The following ZHX1 variants were observed in gnomAD, a reference collection of about 807,000 sequenced individuals.
The protein encoded by ZHX1 is zinc fingers and homeoboxes protein 1.
Under a neutral mutation model 61.8 loss-of-function variants are expected in ZHX1, and 20 were observed. That is an observed-to-expected ratio of 0.32 (90% confidence interval 0.23 to 0.47). The LOEUF is 0.47. Among genes scored for constraint, ZHX1 ranks in the 20% least tolerant of loss-of-function variants. The probability of loss-of-function intolerance (pLI) is 1.00; values close to 1 mark genes in which losing one functional copy is unlikely to be tolerated. For missense variants in ZHX1, 800 were observed against 1,034.8 expected (o/e 0.77, Z 3.11); for synonymous variants, 318 against 352.6 (o/e 0.90, Z 1.10).
At position 123,256,314 on chromosome 8, in the gene ZHX1, T is replaced by C. The variant is rs76999741; in HGVS notation, c.-225-143A>G. Reference sequence around the variant, plus strand: ...ATAAGATAAGAATCAGAAAAAAATGTCCTCTAAAGATCAAAATAAATCTCT... The same window carrying C: ...ATAAGATAAGAATCAGAAAAAAATGCCCTCTAAAGATCAAAATAAATCTCT... On this transcript the variant is annotated intron_variant, in intron 2 of 3. Transcript: ENST00000395571. The C allele has an allele frequency of 1.3e-3, 209 of 163,992 alleles. 6 individuals carry two copies. The East Asian group carries it at 0.033, about 26-fold the overall frequency. 10.2% of individuals were successfully genotyped at this position (163,992 alleles called of 1,614,324 possible).
At chr8:123,273,935 G>C (rs529623716) in intron 1 of ZHX1, 33 of 152,460 alleles carry the variant, frequency 2.2e-4, no homozygotes, top group African/African-American at 7.9e-4. Context: ...CACCCAAAAA[G>C]AGCGAGGGAG....
chr8:123,253,098 A>G (rs1309554568), intron 3 of ZHX1: 3 of 404,830 alleles, frequency 7.4e-6, no homozygotes, highest in Non-Finnish European at 1.3e-5. Flanking sequence ...CCCAATTCAT[A>G]TGAAAAATAA....
At chr8:123,263,152 G>A (rs1826338142) in intron 2 of ZHX1, among the ~76,000 whole-genome samples, 1 of 151,582 alleles carries the variant, frequency 6.6e-6, no homozygotes, top group South Asian at 2.1e-4. Flanking sequence ...TAGCATTCAG[G>A]TATAGTTTTT....
chr8:123,272,053 CAGCACA>C (rs1826672676), intron 1 of ZHX1, among the ~76,000 whole-genome samples: 1 of 152,212 alleles, frequency 6.6e-6, no homozygotes, highest in African/African-American at 2.4e-5. Flanking sequence ...AACCAAAGAA[CAGCACA>C]CGTGCATAAA....
In ZHX1 at chr8:123,255,576, T is replaced by C. The variant is rs1215524745; in HGVS notation, c.371A>G (p.Tyr124Cys). Residue 124 changes from tyrosine to cysteine, a missense_variant, in exon 3 of 4, where the codon TAT becomes TGT. Coordinates refer to ENST00000395571, the MANE Select transcript of ZHX1 (RefSeq NM_007222.5). ...YDALSEHNLK[Y>C]HPGEENFKLT... is the part of the protein sequence containing the mutation. The stretch of plus-strand genomic sequence containing the variant: ...CTTAAAATTCTCTTCTCCTGGGTGA[T>C]ATTTCAGATTATGCTCAGAAAGTGC... The C allele has an allele frequency of 2.5e-6, 4 of 1,613,150 alleles. No homozygotes were observed. Among genetic ancestry groups the C allele is most frequent in the Middle Eastern group, 1.7e-4 (1 of 6,060 alleles).
intron 2 of ZHX1, among the ~76,000 whole-genome samples, chr8:123,260,063 CA>C (rs1473658744): frequency 3.3e-5 from 5 of 151,930 alleles, no homozygotes; most frequent in African/African-American, 1.2e-4. Flanking sequence ...AAGGCTGAGG[CA>C]GAATAATCAC....
At chr8:123,253,179 C>T in intron 3 of ZHX1, 143 bp downstream of exon 3, 1 of 594,720 alleles carries the variant, frequency 1.7e-6, no homozygotes. Context: ...CTTAGCTATA[C>T]TAGTGGTACC....
chr8:123,258,456 G>A, intron 2 of ZHX1, among the ~76,000 whole-genome samples: 1 of 152,198 alleles, frequency 6.6e-6, no homozygotes. Flanking sequence ...AAGAGACTGA[G>A]ACACAGCTTT....
intron 2 of ZHX1, among the ~76,000 whole-genome samples, chr8:123,266,885 A>G (rs1456659086): frequency 1.3e-5 from 2 of 152,172 alleles, no homozygotes; most frequent in East Asian, 3.8e-4. Context: ...TACATCCTGA[A>G]GCATTTTTCT....
chr8:123,264,271 A>G (rs1826378769), intron 2 of ZHX1, among the ~76,000 whole-genome samples: 1 of 152,226 alleles, frequency 6.6e-6, no homozygotes, highest in Non-Finnish European at 1.5e-5. Flanking sequence ...TTTTATGAGA[A>G]AACTATACTT....
chr8:123,257,188 G>C (rs965783927), intron 2 of ZHX1: 1 of 152,260 alleles, frequency 6.6e-6, no homozygotes, highest in Admixed American at 6.5e-5. Flanking sequence ...AAAAGTGCTG[G>C]GATTACAGGC....
chr8:123,258,201 C>A (rs1214730904), intron 2 of ZHX1, among the ~76,000 whole-genome samples: 1 of 152,184 alleles, frequency 6.6e-6, no homozygotes, highest in Non-Finnish European at 1.5e-5. Flanking sequence ...CCAGTTCCTG[C>A]AGGAGCTGGT....
chr8:123,265,244 T>TA (rs1826419560), intron 2 of ZHX1, among the ~76,000 whole-genome samples: 2 of 151,878 alleles, frequency 1.3e-5, no homozygotes, highest in Non-Finnish European at 2.9e-5. Flanking sequence ...GGGATCATGT[T>TA]AATTTTGATG....
At chr8:123,274,911 C>CG (rs1451994760), upstream of ZHX1, among the ~76,000 whole-genome samples, 2 of 152,162 alleles carry the variant, frequency 1.3e-5, no homozygotes, top group Non-Finnish European at 2.9e-5. Flanking sequence ...CCCCGCCCCT[C>CG]GGGGGGCTGC....
Position 123,262,933 on chromosome 8 carries a change from T to TA in ZHX1, c.-226+4339dup, listed in dbSNP as rs546032434. 201 of 126,396 alleles carry TA rather than the reference T, an allele frequency of 1.6e-3. 5 individuals are homozygous for TA. Among genetic ancestry groups the TA allele is most frequent in the East Asian group, 0.012 (54 of 4,502 alleles). 7.8% of individuals were successfully genotyped at this position (126,396 alleles called of 1,614,324 possible). A position where few individuals can be genotyped will look rare whatever the true frequency, so the allele number is the denominator to read the frequency against. ...GGCAAGGATGACATGCAAATTTGTT[T>TA]AAAAAAAAAAAAAGAAAGAAAAGAA... On this transcript the variant is annotated intron_variant, in intron 2 of 3. Coordinates refer to ENST00000395571, the MANE Select transcript of ZHX1 (RefSeq NM_007222.5).
chr8:123,262,619 A>G (rs1405862734), intron 2 of ZHX1, among the ~76,000 whole-genome samples: 2 of 152,166 alleles, frequency 1.3e-5, no homozygotes, highest in African/African-American at 2.4e-5. Context: ...TGTTGGGATT[A>G]CAGGCATGAG....
In ZHX1 at chr8:123,253,696, G is replaced by A. The variant is rs775783361; in HGVS notation, c.2251C>T (p.Arg751Trp). Residue 751 changes from arginine to tryptophan, a missense_variant, in exon 3 of 4, where the codon CGG becomes TGG. By Grantham distance (101) the Arg-to-Trp change is moderately radical (BLOSUM62 -3). Coordinates refer to ENST00000395571, the MANE Select transcript of ZHX1 (RefSeq NM_007222.5). ...RKRGRGRPKG[R>W]GRGRPRGRPR... ...CGCCCACGCGGTCTTCCTCTTCCCC[G>A]TCCTTTGGGTCTCCCTCTCCCTCTT... 41 of 1,613,976 alleles carry A rather than the reference G, an allele frequency of 2.5e-5. No individual in the cohort carries two copies. The highest frequency in any genetic ancestry group is 3.2e-5 in the Non-Finnish European group (38 of 1,180,024).
rs558018250 is a variant in ZHX1, at chr8:123,272,205, T to C, written c.-340+2012A>G. The stretch of plus-strand genomic sequence containing the variant: ...CTCTATGAATCATCACTATCATCAG[T>C]TACCCAAGTATTACCCTTTCTCATT... On this transcript the variant is annotated intron_variant, in intron 1 of 3. Transcript: ENST00000395571. Among the ~76,000 whole-genome samples, 25 of 152,376 alleles carry C rather than the reference T, an allele frequency of 1.6e-4. 1 individual carries two copies. Among genetic ancestry groups the C allele is most frequent in the African/African-American group, 6.0e-4 (25 of 41,592 alleles).
rs2131190495 is a variant in ZHX1, at chr8:123,254,382, G to A, written c.1565C>T (p.Ser522Leu). The A allele has an allele frequency of 3.7e-6, 6 of 1,614,128 alleles. No homozygotes were observed. Among genetic ancestry groups the A allele is most frequent in the Non-Finnish European group, 5.1e-6 (6 of 1,180,008 alleles). Residue 522 changes from serine (S) to leucine (L), a missense_variant, in exon 3 of 4, where the codon TCA becomes TTA. Transcript: ENST00000395571. The surrounding 1 kb of genome is among the most constrained non-coding windows in gnomAD (Gnocchi z 4.1). The stretch of plus-strand genomic sequence containing the variant: ...GAGATGTAAGCACTGATTACTCTTT[G>A]AATTTCTCTGGTTGTACCTTGTGTC... ...FSDTRYNQRN[S>L]KSNQCLHLNN...
Sources: gnomAD v4.1 joint callset for allele counts (sites outside exome capture counted in the v4.1 genomes callset) on GRCh38, gnomAD v4.1.1 for gene constraint, Gnocchi (gnomAD v3.1) non-coding constraint, MANE v1.5 for transcripts, NCBI Gene and HGNC (gene_info 2026-07-23, HGNC 2026-07-21) for gene names.